The following MGA variants were observed in gnomAD, a reference collection of about 807,000 sequenced individuals.
MGA encodes MAX dimerization protein MGA, also known as MAX gene-associated protein.
MGA carries 40 observed loss-of-function variants against 261.1 expected under a neutral mutation model. The ratio of observed to expected loss-of-function variants is 0.15; its 90% CI spans 0.12 to 0.20. The LOEUF (loss-of-function observed/expected upper bound fraction) is 0.20. Among genes scored for constraint, MGA ranks in the 10% least tolerant of loss-of-function variants. The pLI, the probability that MGA is intolerant of heterozygous loss-of-function variation, is 1.00. For missense variants in MGA, 3,397 were observed against 3,630.5 expected (o/e 0.94, Z 1.65); for synonymous variants, 1,302 against 1,290.6 (o/e 1.01, Z -0.19).
chr15:41,674,765 G>A (rs541116552), intron 2 of MGA, among the ~76,000 whole-genome samples: 2 of 151,988 alleles, frequency 1.3e-5, no homozygotes, highest in Admixed American at 6.5e-5. Context: ...TGATCCGCCC[G>A]CCTTGGCCTC....
At position 41,760,313 on chromosome 15, in the gene MGA, GT is replaced by G; in HGVS notation, c.7192-7del. The stretch of plus-strand genomic sequence containing the variant: ...TTCAAGATGTTTAGGAGGCAATCTT[GT>G]TTGGACAGGCTCCACCAATTCCTCT... On this transcript the variant is annotated splice_polypyrimidine_tract_variant and intron_variant, in intron 19 of 23. Coordinates refer to ENST00000219905, the MANE Select transcript of MGA (RefSeq NM_001164273.2). 6.2e-7 allele frequency: 1 copy of G among 1,613,774 alleles called. No homozygotes were observed. Among genetic ancestry groups the G allele is most frequent in the Non-Finnish European group, 8.5e-7 (1 of 1,179,732 alleles).
Position 41,692,863 on chromosome 15 carries a change from C to T in MGA, c.1065-3212C>T, listed in dbSNP as rs558400172. On this transcript the variant is annotated intron_variant, in intron 2 of 23. Coordinates refer to ENST00000219905, the MANE Select transcript of MGA (RefSeq NM_001164273.2). ...AGTAGCTGGGATTACAGGTGTGTGC[C>T]ACTGCATCCAGCTAATGTTTTGTAT... Among the ~76,000 whole-genome samples, 17 of 152,294 alleles carry T rather than the reference C, an allele frequency of 1.1e-4. No homozygotes were observed. The South Asian group carries it at 3.5e-3, about 32-fold the overall frequency.
At position 41,757,833 on chromosome 15, in the gene MGA, T is replaced by C; in HGVS notation, c.7185T>C (p.Ser2395=). Residue 2395 remains serine, a synonymous_variant, in exon 19 of 24, where the codon AGT becomes AGC. Transcript: ENST00000219905. ...CAGATGAAAAAGCAGCTGAAAGGAG[T>C]CGAAAGGTATTTAGGATATATTTAG... The C allele has an allele frequency of 2.5e-6, 4 of 1,604,664 alleles. No individual in the cohort carries two copies. The highest frequency in any genetic ancestry group is 2.6e-6 in the Non-Finnish European group (3 of 1,172,312).
chr15:41,690,999 T>G (rs1029740653), intron 2 of MGA, among the ~76,000 whole-genome samples: 31 of 150,902 alleles, frequency 2.1e-4, no homozygotes, highest in East Asian at 9.7e-4. Flanking sequence ...GCTTTGTTTT[T>G]TTTTTTTTTT....
chr15:41,733,922 C>T (rs200452863), intron 11 of MGA, among the ~76,000 whole-genome samples: 18 of 145,272 alleles, frequency 1.2e-4, no homozygotes, highest in East Asian at 2.0e-4. Flanking sequence ...TTGTTTCTTT[C>T]TTTTTTTTTT....
At position 41,766,438 on chromosome 15, in the gene MGA, T is replaced by G. The variant is rs1166545475; in HGVS notation, c.8356T>G (p.Ser2786Ala). ...ATTAAAGATGAAAGATCTCAAGGAC[T>G]CAAGCATAGAGATGGAACTGAGGAA... The change falls in exon 24 of 24, where the codon TCA becomes GCA. Residue 2786 changes from serine (S) to alanine (A), a missense_variant. Physicochemically the swap from Ser to Ala is moderately conservative, Grantham distance 99 (BLOSUM62 1). This residue lies in a region of MGA where 647 missense variants were observed against 642.4 expected (regional missense o/e 1.01). Coordinates refer to ENST00000219905, the MANE Select transcript of MGA (RefSeq NM_001164273.2). The G allele has an allele frequency of 6.2e-7, 1 of 1,613,944 alleles. No homozygotes were observed. The highest frequency in any genetic ancestry group is 1.7e-5 in the Admixed American group (1 of 60,022).
At chr15:41,745,051 A>G (rs2062364253) in intron 15 of MGA, among the ~76,000 whole-genome samples, 1 of 151,938 alleles carries the variant, frequency 6.6e-6, no homozygotes, top group Admixed American at 6.6e-5. Flanking sequence ...GGTGTATATT[A>G]TATTTTTAGT....
In MGA at chr15:41,750,238, A is replaced by G. The variant is rs1424083125; in HGVS notation, c.6631A>G (p.Asn2211Asp). Residue 2211 changes from asparagine to aspartate, a missense_variant, in exon 17 of 24, where the codon AAT (asparagine) becomes GAT (aspartate). Asn to Asp is a conservative substitution (Grantham distance 23, BLOSUM62 1). Transcript: ENST00000219905. ...TAAAGAAACAAAGACATGTCAGGAA[A>G]ATTCAGATGTGTTTCAGCAAGAACA... The G allele has an allele frequency of 6.2e-7, 1 of 1,613,826 alleles. No individual in the cohort carries two copies.
chr15:41,722,707 CAG>C (rs979152039), intron 9 of MGA, among the ~76,000 whole-genome samples: 24 of 152,106 alleles, frequency 1.6e-4, no homozygotes, highest in African/African-American at 5.8e-4. Flanking sequence ...CTACAAAAAT[CAG>C]AGGAAGAGGA....
chr15:41,718,301 GTA>G (rs57814590), intron 9 of MGA: 25,971 of 188,736 alleles, frequency 0.14, 1,114 homozygotes, highest in African/African-American at 0.18. Flanking sequence ...GTGTGTGTGT[GTA>G]TATATATATA....
intron 9 of MGA, 127 bp downstream of exon 9, chr15:41,713,623 T>C: frequency 8.8e-7 from 1 of 1,130,360 alleles, no homozygotes; most frequent in South Asian, 1.7e-5. Flanking sequence ...CTTCTTATTA[T>C]CCTTACATGC....
intron 19 of MGA, 81 bp downstream of exon 19, chr15:41,757,920 A>T: frequency 8.1e-7 from 1 of 1,235,128 alleles, no homozygotes; most frequent in Non-Finnish European, 1.2e-6. Context: ...AACATTAGCT[A>T]TATTAGCCAC....
chr15:41,734,740 A>G (rs1671797680), intron 12 of MGA, 146 bp downstream of exon 12: 1 of 623,340 alleles, frequency 1.6e-6, no homozygotes, highest in Non-Finnish European at 2.6e-6. Flanking sequence ...GACAATAAGT[A>G]AAAGTTTTTT....
rs537354920 is a variant in MGA at position 41,670,707 on chromosome 15, T to A, written c.1064+749T>A. Among the ~76,000 whole-genome samples the A allele has an allele frequency of 2.0e-5, 3 of 152,192 alleles. No homozygotes were observed. The East Asian group carries it at 5.8e-4, about 29-fold the overall frequency. ...ATTTTTGGTAGAGACAGGGTTTCAC[T>A]GTGTTAGCCAGGATGGTCTCGATCT... On this transcript the variant is annotated intron_variant, in intron 2 of 23. Coordinates refer to ENST00000219905, the MANE Select transcript of MGA (RefSeq NM_001164273.2).
chr15:41,764,148 G>A (rs1374709594), intron 22 of MGA, among the ~76,000 whole-genome samples: 1 of 149,766 alleles, frequency 6.7e-6, no homozygotes, highest in Non-Finnish European at 1.5e-5. Flanking sequence ...GACAGAGTGA[G>A]ACTCCATCTC....
At chr15:41,682,432 A>G (rs765833678) in intron 2 of MGA, among the ~76,000 whole-genome samples, 9 of 152,006 alleles carry the variant, frequency 5.9e-5, no homozygotes, top group East Asian at 1.9e-4. Context: ...TTCCTTTGCT[A>G]TCATCCTGCT....
intron 2 of MGA, among the ~76,000 whole-genome samples, chr15:41,682,059 A>G (rs960086732): frequency 3.3e-5 from 5 of 152,022 alleles, no homozygotes; most frequent in Non-Finnish European, 1.5e-5. Context: ...CTGGGATTAC[A>G]GGCATGTGCC....
intron 4 of MGA, 41 bp from the exon 5 acceptor site, chr15:41,699,023 T>C: frequency 1.9e-6 from 3 of 1,570,274 alleles, no homozygotes; most frequent in Non-Finnish European, 2.6e-6. Flanking sequence ...TTGTCTGTAG[T>C]GTACAGTAGC....
chr15:41,652,128 G>A (rs1595574100), intron 1 of MGA, among the ~76,000 whole-genome samples: 1 of 148,056 alleles, frequency 6.8e-6, no homozygotes. Flanking sequence ...ACCTCGCCCG[G>A]CTAATTTTTT....
Sources: allele counts gnomAD v4.1 joint callset (sites outside exome capture counted in the v4.1 genomes callset), GRCh38; gene constraint gnomAD v4.1.1; regional missense constraint gnomAD v4.1.1; transcripts MANE v1.5; gene names NCBI Gene and HGNC (gene_info 2026-07-23, HGNC 2026-07-21).